The following UBE2E3 variants were observed in gnomAD, a reference collection of about 807,000 sequenced individuals.
The protein encoded by UBE2E3 is ubiquitin-conjugating enzyme E2 E3.
In UBE2E3, 5 loss-of-function variants were observed where a neutral mutation model predicts 23.6. The ratio of observed to expected loss-of-function variants is 0.21; its 90% CI spans 0.11 to 0.44. The LOEUF is 0.44. Among genes scored for constraint, UBE2E3 ranks in the 20% least tolerant of loss-of-function variants. The pLI is 0.99. For missense variants in UBE2E3, 81 were observed against 249.8 expected, an observed-to-expected ratio of 0.32 and a Z score of 4.55; for synonymous variants, 78 against 87.5, an observed-to-expected ratio of 0.89 and a Z score of 0.60.
At position 180,982,030 on chromosome 2, in the gene UBE2E3, T is replaced by G. The variant is rs1684311803; in HGVS notation, c.-13T>G. ...TTCTCTTTAAAAGTTTTCCAAGAGA[T>G]AACTTCACCAAGATGTCCAGTGATA... On this transcript the variant is annotated 5_prime_UTR_variant, in exon 2 of 6. It removes the in-frame stop codon of an upstream open reading frame in the 5' UTR. Transcript: ENST00000410062. The G allele has an allele frequency of 1.3e-6, 2 of 1,598,492 alleles. No homozygotes were observed. The highest frequency in any genetic ancestry group is 1.7e-6 in the Non-Finnish European group (2 of 1,174,904).
At chr2:181,010,300 G>A (rs1685281507) in intron 3 of UBE2E3, among the ~76,000 whole-genome samples, 3 of 152,070 alleles carry the variant, frequency 2.0e-5, no homozygotes, top group African/African-American at 7.2e-5. Flanking sequence ...ATGTTACTAT[G>A]ATACTATTTC....
At chr2:181,045,895 C>T (rs1248586937) in intron 3 of UBE2E3, among the ~76,000 whole-genome samples, 2 of 151,778 alleles carry the variant, frequency 1.3e-5, no homozygotes, top group Non-Finnish European at 2.9e-5. Flanking sequence ...AAAAAGACAA[C>T]AATCAATTTG....
chr2:181,019,255 C>T (rs772950435), intron 3 of UBE2E3, among the ~76,000 whole-genome samples: 6 of 152,182 alleles, frequency 3.9e-5, no homozygotes, highest in African/African-American at 9.7e-5. Flanking sequence ...CCGCCGCACC[C>T]GGCCTAGCTC....
rs767513977 is a variant in UBE2E3 at position 181,045,046 on chromosome 2, G to A, written c.246-12647G>A. Among the ~76,000 whole-genome samples the A allele has an allele frequency of 1.6e-4, 24 of 152,032 alleles. No individual in the cohort carries two copies. The East Asian group carries it at 1.7e-3, about 11-fold the overall frequency. The stretch of plus-strand genomic sequence containing the variant: ...GTATACCTTGTGTTTATGCTTTTAC[G>A]TCTGCTGCTTTATAAGCAGAAAGAG... On this transcript the variant is annotated intron_variant, in intron 3 of 5. Transcript: ENST00000410062.
At chr2:181,052,201 G>A (rs961551469) in intron 3 of UBE2E3, among the ~76,000 whole-genome samples, 2 of 151,812 alleles carry the variant, frequency 1.3e-5, no homozygotes, top group African/African-American at 4.8e-5. Flanking sequence ...AATCATTAAG[G>A]TGTAACTAAT....
intron 3 of UBE2E3, 70 bp downstream of exon 3, chr2:180,984,163 G>T: frequency 7.2e-7 from 1 of 1,388,432 alleles, no homozygotes. Context: ...GTATTGTCTG[G>T]ATATGTGTGC....
intron 2 of UBE2E3, among the ~76,000 whole-genome samples, chr2:180,982,972 A>G (rs1185379438): frequency 6.6e-6 from 1 of 152,202 alleles, no homozygotes; most frequent in Non-Finnish European, 1.5e-5. Context: ...AATTGGATGT[A>G]AGTGAAAGAT....
chr2:181,062,964 A>C lies in UBE2E3; in HGVS notation c.*76A>C. 1.2e-6 allele frequency: 1 copy of C among 867,058 alleles called. No homozygotes were observed. Among genetic ancestry groups the C allele is most frequent in the Admixed American group, 2.2e-5 (1 of 45,268 alleles). 53.7% of individuals were successfully genotyped at this position (867,058 alleles called of 1,614,324 possible). On this transcript the variant is annotated 3_prime_UTR_variant, in exon 6 of 6. Transcript: ENST00000410062. ...TGCTGCAAATCTTTATAGCCTTTAC[A>C]ATACGGACTTCTGTGTATATGTTAT...
intron 3 of UBE2E3, among the ~76,000 whole-genome samples, chr2:181,049,715 GT>G (rs1173217441): frequency 6.6e-6 from 1 of 151,920 alleles, no homozygotes; most frequent in Non-Finnish European, 1.5e-5. Context: ...AGATGCCATA[GT>G]TTTTTTACTT....
chr2:181,036,944 C>T (rs765228052), intron 3 of UBE2E3, among the ~76,000 whole-genome samples: 3 of 152,142 alleles, frequency 2.0e-5, no homozygotes, highest in Non-Finnish European at 4.4e-5. Context: ...TTCCAAGAAC[C>T]TATCCACAAC....
In UBE2E3 at chr2:181,021,452, CCT is replaced by C. The variant is rs997685449; in HGVS notation, c.246-36234_246-36233del. ...CCCTTCCTTCCTTTCTCCCTCCCTCCCTCTCTCTTTCTTTTTCTCTTTCTTTC... is the reference window on the plus strand; with the variant it reads ...CCCTTCCTTCCTTTCTCCCTCCCTCCCTCTCTTTCTTTTTCTCTTTCTTTC... On this transcript the variant is annotated intron_variant, in intron 3 of 5. Transcript: ENST00000410062. 4.9e-5 allele frequency among the ~76,000 whole-genome samples: 7 copies of C among 141,962 alleles called. No homozygotes were observed. In the South Asian group the frequency reaches 7.2e-4, roughly 15 times the overall value. The allele number at this position is 141,962 out of a possible 152,430, so 93.1% of individuals were successfully genotyped here. A position where few individuals can be genotyped will look rare whatever the true frequency, so the allele number is the denominator to read the frequency against.
chr2:181,032,379 C>T (rs1328340046), intron 3 of UBE2E3, among the ~76,000 whole-genome samples: 1 of 152,012 alleles, frequency 6.6e-6, no homozygotes, highest in Non-Finnish European at 1.5e-5. Flanking sequence ...ATATATTATC[C>T]TTTTATATAC....
At chr2:181,038,542 A>G (rs1686372958) in intron 3 of UBE2E3, among the ~76,000 whole-genome samples, 1 of 152,238 alleles carries the variant, frequency 6.6e-6, no homozygotes, top group Non-Finnish European at 1.5e-5. Flanking sequence ...TAAGAGCAAA[A>G]TTTTATGCCC....
At chr2:180,980,572 G>GCCGCGCCCGCCCCTCCCCC (rs1405746408), upstream of UBE2E3, 1 of 147,994 alleles carries the variant, frequency 6.8e-6, no homozygotes, top group Non-Finnish European at 1.5e-5. This position sits in a 1 kb window ranked among gnomAD's most constrained non-coding sequence, Gnocchi z 5.5. Flanking sequence ...GCGCGTCGCC[G>GCCGCGCCCGCCCCTCCCCC]CCGCGCCCGC....
At chr2:181,034,483 C>T (rs558854325) in intron 3 of UBE2E3, among the ~76,000 whole-genome samples, 1 of 152,270 alleles carries the variant, frequency 6.6e-6, no homozygotes, top group South Asian at 2.1e-4. Flanking sequence ...ACAATGAGAA[C>T]ACTTGGACAC....
intron 3 of UBE2E3, among the ~76,000 whole-genome samples, chr2:181,045,065 G>A (rs1435160492): frequency 6.6e-6 from 1 of 152,146 alleles, no homozygotes; most frequent in Non-Finnish European, 1.5e-5. Flanking sequence ...TTTATAAGCA[G>A]AAAGAGAGGG....
intron 1 of UBE2E3, 25 bp from the exon 2 acceptor site, chr2:180,981,993 C>A: frequency 1.3e-6 from 2 of 1,500,880 alleles, no homozygotes; most frequent in Non-Finnish European, 1.8e-6. Flanking sequence ...ATTTTCTCCT[C>A]CTCCTCCCCT....
chr2:180,988,311 A>C (rs949742763), intron 3 of UBE2E3, among the ~76,000 whole-genome samples: 5 of 152,156 alleles, frequency 3.3e-5, no homozygotes, highest in Admixed American at 3.3e-4. Flanking sequence ...AATTGAGTAC[A>C]AGTACATAAC....
chr2:181,042,522 G>C (rs890716916), intron 3 of UBE2E3, among the ~76,000 whole-genome samples: 4 of 152,160 alleles, frequency 2.6e-5, no homozygotes, highest in African/African-American at 9.7e-5. Flanking sequence ...CAGGGAGGTA[G>C]GAAGAAATGG....
Sources: allele counts gnomAD v4.1 joint callset (sites outside exome capture counted in the v4.1 genomes callset), GRCh38; gene constraint gnomAD v4.1.1; non-coding constraint Gnocchi (gnomAD v3.1); transcripts MANE v1.5; gene names NCBI Gene and HGNC (gene_info 2026-07-23, HGNC 2026-07-21).